PHLPP1: variants seen among roughly 807,000 people sequenced by gnomAD.
The protein encoded by PHLPP1 is PH domain leucine-rich repeat-containing protein phosphatase 1.
PHLPP1 carries 42 observed loss-of-function variants against 117.2 expected under a neutral mutation model. That is an observed-to-expected ratio of 0.36 (90% CI 0.28 to 0.46). The LOEUF is 0.46. Ranked by LOEUF, PHLPP1 falls within the 20% of genes least tolerant of loss-of-function variation. The pLI is 1.00. For missense variants in PHLPP1, 2,084 were observed against 2,241.9 expected, an observed-to-expected ratio of 0.93 and a Z score of 1.42; for synonymous variants, 1,042 against 970.7, an observed-to-expected ratio of 1.07 and a Z score of -1.37.
intron 1 of PHLPP1, among the ~76,000 whole-genome samples, chr18:62,816,443 T>C (rs1416062337): frequency 6.6e-6 from 1 of 152,196 alleles, no homozygotes; most frequent in Non-Finnish European, 1.5e-5. Context: ...GGCACGTGCC[T>C]GTAATCCCAG....
At chr18:62,873,002 A>AAAAAG (rs1555678866) in intron 4 of PHLPP1, among the ~76,000 whole-genome samples, 212 of 140,192 alleles carry the variant, frequency 1.5e-3, no homozygotes, top group East Asian at 0.013. Flanking sequence ...AAAAAAAAAA[A>AAAAAG]AAAAAGAAAA....
intron 1 of PHLPP1, among the ~76,000 whole-genome samples, chr18:62,752,201 C>T (rs1423364135): frequency 6.6e-6 from 1 of 152,192 alleles, no homozygotes; most frequent in African/African-American, 2.4e-5. Flanking sequence ...CTTTAGCCTC[C>T]TGAGTAGCTG....
chr18:62,893,724 A>C (rs371399017), intron 4 of PHLPP1, among the ~76,000 whole-genome samples: 1 of 152,228 alleles, frequency 6.6e-6, no homozygotes, highest in Non-Finnish European at 1.5e-5. Context: ...GCAGTCACTA[A>C]TATGATTCTT....
intron 1 of PHLPP1, among the ~76,000 whole-genome samples, chr18:62,743,308 A>AT (rs1034879574): frequency 1.3e-4 from 19 of 150,618 alleles, no homozygotes; most frequent in East Asian, 3.9e-4. Flanking sequence ...TTTTTTTAGA[A>AT]TTTTTTTTTA....
At chr18:62,804,362 G>T (rs765071652) in intron 1 of PHLPP1, among the ~76,000 whole-genome samples, 4 of 151,040 alleles carry the variant, frequency 2.6e-5, no homozygotes, top group African/African-American at 9.7e-5. Flanking sequence ...GGGTGTATGT[G>T]TAGGGGGAAG....
chr18:62,944,991 C>A (rs1232051227), intron 11 of PHLPP1, 118 bp from the exon 12 acceptor site: 1 of 740,778 alleles, frequency 1.3e-6, no homozygotes, highest in Non-Finnish European at 2.0e-6. Flanking sequence ...AAAAAATGGT[C>A]TTGTTTGTAA....
At chr18:62,779,494 A>G (rs1913059850) in intron 1 of PHLPP1, 1 of 152,258 alleles carries the variant, frequency 6.6e-6, no homozygotes, top group Non-Finnish European at 1.5e-5. Context: ...GTGAGTGTGC[A>G]GAGGGATGAA....
chr18:62,775,388 C>A (rs924216123), intron 1 of PHLPP1, among the ~76,000 whole-genome samples: 1 of 152,170 alleles, frequency 6.6e-6, no homozygotes, highest in African/African-American at 2.4e-5. Context: ...CGTGAGCCAC[C>A]GCGCCCAGCC....
intron 4 of PHLPP1, among the ~76,000 whole-genome samples, chr18:62,887,197 G>A (rs1916307008): frequency 6.6e-6 from 1 of 152,126 alleles, no homozygotes; most frequent in South Asian, 2.1e-4. Flanking sequence ...AAAAGAGGAG[G>A]AGGAGAGATG....
At chr18:62,766,504 T>TATA (rs1912538249) in intron 1 of PHLPP1, among the ~76,000 whole-genome samples, 1 of 151,990 alleles carries the variant, frequency 6.6e-6, no homozygotes, top group South Asian at 2.1e-4. Flanking sequence ...CGCTGTGAGT[T>TATA]TTATAGGGGC....
At chr18:62,947,070 A>C (rs1013276256) in intron 12 of PHLPP1, among the ~76,000 whole-genome samples, 7 of 152,182 alleles carry the variant, frequency 4.6e-5, no homozygotes, top group Non-Finnish European at 1.0e-4. Flanking sequence ...AAACAACAAC[A>C]ACAACAACAA....
intron 1 of PHLPP1, among the ~76,000 whole-genome samples, chr18:62,801,348 TTTC>T (rs1400987235): frequency 6.6e-6 from 1 of 151,412 alleles, no homozygotes; most frequent in East Asian, 2.0e-4. Flanking sequence ...TGGCTGCTAA[TTTC>T]TAATTAATTG....
At chr18:62,766,092 TATATATATATAAA>T (rs1467675711) in intron 1 of PHLPP1, among the ~76,000 whole-genome samples, 21 of 77,434 alleles carry the variant, frequency 2.7e-4, no homozygotes, top group Admixed American at 4.2e-4. Flanking sequence ...TATATATATA[TATATATATATAAA>T]ATATATATAT....
chr18:62,919,008 TGTGA>T (rs1390271768), intron 9 of PHLPP1, among the ~76,000 whole-genome samples: 1 of 152,196 alleles, frequency 6.6e-6, no homozygotes, highest in Non-Finnish European at 1.5e-5. Context: ...TGTGGGCATT[TGTGA>T]GTGAGATCAG....
chr18:62,976,161 G>C (rs1451753970), intron 16 of PHLPP1, among the ~76,000 whole-genome samples: 1 of 152,208 alleles, frequency 6.6e-6, no homozygotes, highest in Non-Finnish European at 1.5e-5. Context: ...GGGGCAGTTT[G>C]CTTCCCCACA....
At chr18:62,784,194 T>C (rs1254718497) in intron 1 of PHLPP1, among the ~76,000 whole-genome samples, 1 of 152,240 alleles carries the variant, frequency 6.6e-6, no homozygotes, top group Non-Finnish European at 1.5e-5. Flanking sequence ...TGGCAACATC[T>C]GGAGACTTTT....
At chr18:62,790,209 A>G (rs1386718787) in intron 1 of PHLPP1, among the ~76,000 whole-genome samples, 1 of 152,190 alleles carries the variant, frequency 6.6e-6, no homozygotes, top group Non-Finnish European at 1.5e-5. Context: ...TGCAAGCACA[A>G]CCTTGGGCCA....
At chr18:62,845,066 G>A (rs753983344) in intron 3 of PHLPP1, among the ~76,000 whole-genome samples, 1 of 151,678 alleles carries the variant, frequency 6.6e-6, no homozygotes, top group African/African-American at 2.4e-5. Flanking sequence ...AAAGGAAAAG[G>A]CACAGCATGA....
intron 1 of PHLPP1, among the ~76,000 whole-genome samples, chr18:62,786,654 A>C (rs1379009234): frequency 6.6e-6 from 1 of 152,150 alleles, no homozygotes; most frequent in East Asian, 1.9e-4. Context: ...CAAATGAATA[A>C]AAAATCATTG....
Sources: gnomAD v4.1 joint callset for allele counts (sites outside exome capture counted in the v4.1 genomes callset) on GRCh38, gnomAD v4.1.1 for gene constraint, MANE v1.5 for transcripts, NCBI Gene and HGNC (gene_info 2026-07-23, HGNC 2026-07-21) for gene names.